CALN1: variants seen among roughly 807,000 people sequenced by gnomAD.
The protein encoded by CALN1 is calneuron 1.
In CALN1, 17 loss-of-function variants were observed where a neutral mutation model predicts 30.6. That is an observed-to-expected ratio of 0.56 (90% CI 0.38 to 0.83). CALN1 has a LOEUF of 0.83. Among genes scored for constraint, CALN1 ranks in the 40% least tolerant of loss-of-function variants. The pLI, the probability that CALN1 is intolerant of heterozygous loss-of-function variation, is 0.00. For synonymous variants in CALN1, 156 were observed against 131.4 expected (o/e 1.19, Z -1.28); for missense variants, 291 against 354.9 (o/e 0.82, Z 1.45).
rs1259390700 is a variant in CALN1 at position 72,317,542 on chromosome 7, T to TC, written c.120-38733_120-38732insG. ...CAGAGAACTGATGACAGCCAGCATC[T>TC]GGTAGGATGGGACAGCTGGGCTGCA... On this transcript the variant is annotated intron_variant, in intron 2 of 6. Coordinates refer to ENST00000395275, the MANE Select transcript of CALN1 (RefSeq NM_031468.4). 2.6e-5 allele frequency among the ~76,000 whole-genome samples: 4 copies of TC among 152,254 alleles called. No homozygotes were observed. The East Asian group carries it at 7.7e-4, about 29-fold the overall frequency.
At chr7:72,247,223 CTTTCTTTTTTTTTTTTTTTTT>C (rs1795236942) in intron 3 of CALN1, among the ~76,000 whole-genome samples, 3 of 43,490 alleles carry the variant, frequency 6.9e-5, no homozygotes, top group Admixed American at 2.9e-4. Flanking sequence ...AGACCATTTT[CTTTCTTTTTTTTTTTTTTTTT>C]TTTTTTTTTT....
intron 5 of CALN1, among the ~76,000 whole-genome samples, chr7:71,961,634 T>C (rs1053664281): frequency 2.0e-5 from 3 of 152,178 alleles, no homozygotes. Flanking sequence ...CCATTTGCCA[T>C]CTCCACAAGC....
At chr7:72,491,467 G>C in the CALN1 span, among the ~76,000 whole-genome samples, 1 of 152,116 alleles carries the variant, frequency 6.6e-6, no homozygotes, top group African/African-American at 2.4e-5. Flanking sequence ...TACTCAAGAA[G>C]CTGAGGCAGG....
Position 72,096,506 on chromosome 7 carries a change from G to A in CALN1, c.388+9645C>T, listed in dbSNP as rs1162747862. 5.5e-5 allele frequency among the ~76,000 whole-genome samples: 8 copies of A among 145,456 alleles called. No individual in the cohort carries two copies. The Admixed American group carries it at 5.9e-4, about 11-fold the overall frequency. On this transcript the variant is annotated intron_variant, in intron 4 of 6. Coordinates refer to ENST00000395275, the MANE Select transcript of CALN1 (RefSeq NM_031468.4). Reference sequence around the variant, plus strand: ...TGCTGCACAATAACCTGATGTGATTGTTAAAGGATCAGGCTCATGGCCGGG... The same window carrying A: ...TGCTGCACAATAACCTGATGTGATTATTAAAGGATCAGGCTCATGGCCGGG...
chr7:71,859,577 C>T (rs1213911479), intron 5 of CALN1, among the ~76,000 whole-genome samples: 1 of 152,204 alleles, frequency 6.6e-6, no homozygotes, highest in African/African-American at 2.4e-5. Flanking sequence ...TATCCAGGTA[C>T]ACTCCAAATT....
chr7:72,149,208 G>A (rs1272614926), intron 3 of CALN1, among the ~76,000 whole-genome samples: 1 of 152,104 alleles, frequency 6.6e-6, no homozygotes, highest in Non-Finnish European at 1.5e-5. Flanking sequence ...GCTCGCATCT[G>A]TAATCCCAGC....
At chr7:72,333,164 G>A (rs117175143) in intron 2 of CALN1, among the ~76,000 whole-genome samples, 2,226 of 152,144 alleles carry the variant, frequency 0.015, 25 homozygotes, top group Non-Finnish European at 0.022. Context: ...AGCTAACCAC[G>A]TCCTAATCAT....
At chr7:72,434,584 GAGA>G (rs893178555) in intron 1 of CALN1, among the ~76,000 whole-genome samples, 5 of 149,704 alleles carry the variant, frequency 3.3e-5, no homozygotes, top group African/African-American at 1.0e-4. Flanking sequence ...GAAGAAGAAG[GAGA>G]AGAAGAAGGA....
rs370030787 is a variant in CALN1, at chr7:72,387,937, G to A, written c.119+15314C>T. On this transcript the variant is annotated intron_variant, in intron 2 of 6. Transcript: ENST00000395275. ...CTGGTTGGTATAGTCACAGTGAGAT[G>A]AGAGGAATAAGTTGTGTTCTATTGC... Among the ~76,000 whole-genome samples, 31 of 152,280 alleles carry A rather than the reference G, an allele frequency of 2.0e-4. No individual in the cohort carries two copies. In the South Asian group the frequency reaches 6.2e-3, roughly 31 times the overall value.
chr7:72,203,975 CTCTCTTT>C (rs1193960146), intron 3 of CALN1, among the ~76,000 whole-genome samples: 5 of 101,582 alleles, frequency 4.9e-5, no homozygotes, highest in African/African-American at 2.7e-4. Flanking sequence ...TAAGAGGCCT[CTCTCTTT>C]TTTTTTTTTT....
At chr7:71,947,086 A>G (rs773861816) in intron 5 of CALN1, among the ~76,000 whole-genome samples, 1 of 151,924 alleles carries the variant, frequency 6.6e-6, no homozygotes, top group Non-Finnish European at 1.5e-5. Context: ...TTTCGGCTCA[A>G]TGCAACCTCT....
intron 2 of CALN1, among the ~76,000 whole-genome samples, chr7:72,367,087 C>T (rs1335709772): frequency 6.7e-6 from 1 of 150,122 alleles, no homozygotes; most frequent in Non-Finnish European, 1.5e-5. Flanking sequence ...AGAAAGCATG[C>T]TTCATGATTA....
chr7:72,063,639 T>C (rs968861852), intron 4 of CALN1, among the ~76,000 whole-genome samples: 3 of 152,184 alleles, frequency 2.0e-5, no homozygotes, highest in African/African-American at 7.2e-5. Context: ...AAAACTTGGA[T>C]AGTATAACTG....
intron 2 of CALN1, among the ~76,000 whole-genome samples, chr7:72,321,255 A>C (rs1190801971): frequency 6.6e-6 from 1 of 152,204 alleles, no homozygotes; most frequent in Non-Finnish European, 1.5e-5. Flanking sequence ...CCGGGCAGGA[A>C]ACCGTCCCTG....
intron 4 of CALN1, among the ~76,000 whole-genome samples, chr7:72,050,126 G>A (rs557387438): frequency 6.6e-6 from 1 of 152,120 alleles, no homozygotes; most frequent in East Asian, 1.9e-4. Flanking sequence ...GCCGAAGGTA[G>A]GTATTAATTG....
chr7:72,260,084 T>C (rs1037479114), intron 3 of CALN1, among the ~76,000 whole-genome samples: 2 of 152,114 alleles, frequency 1.3e-5, no homozygotes, highest in African/African-American at 4.8e-5. Flanking sequence ...ATGTAAAAAT[T>C]AGCTGAGTGT....
chr7:72,048,864 G>A (rs143686357), intron 4 of CALN1, among the ~76,000 whole-genome samples: 9 of 151,352 alleles, frequency 5.9e-5, no homozygotes, highest in South Asian at 2.1e-4. Context: ...GTGCAGTGCC[G>A]TGCCATGATT....
At chr7:71,964,655 T>C (rs951412369) in intron 5 of CALN1, among the ~76,000 whole-genome samples, 3 of 149,196 alleles carry the variant, frequency 2.0e-5, no homozygotes, top group African/African-American at 7.7e-5. Context: ...AGCGAGACTC[T>C]GTCTCAAAAA....
chr7:72,397,883 G>A (rs937178173), intron 2 of CALN1, among the ~76,000 whole-genome samples: 1 of 152,082 alleles, frequency 6.6e-6, no homozygotes, highest in Non-Finnish European at 1.5e-5. Context: ...TATAAGCCAA[G>A]GATGAGCTTG....
Sources: allele counts gnomAD v4.1 joint callset (sites outside exome capture counted in the v4.1 genomes callset), GRCh38; gene constraint gnomAD v4.1.1; transcripts MANE v1.5; gene names NCBI Gene and HGNC (gene_info 2026-07-23, HGNC 2026-07-21).